CD274: variants seen among roughly 807,000 people sequenced by gnomAD.
The protein encoded by CD274 is CD274 molecule.
In CD274, 8 loss-of-function variants were observed where a neutral mutation model predicts 30.1. The ratio of observed to expected loss-of-function variants is 0.27; its 90% confidence interval spans 0.16 to 0.48. The LOEUF (loss-of-function observed/expected upper bound fraction) is 0.48, where lower values mean the gene tolerates loss of function less well. CD274 is among the 20% of genes least tolerant of loss of function. The probability of loss-of-function intolerance (pLI) is 0.99; values close to 1 mark genes in which losing one functional copy is unlikely to be tolerated. For missense variants in CD274, 353 were observed against 346.6 expected (o/e 1.02, Z -0.15); for synonymous variants, 152 against 124.6 (o/e 1.22, Z -1.46).
Position 5,467,927 on chromosome 9 carries a change from G to T in CD274, c.*65G>T, listed in dbSNP as rs1819524398. 7.2e-7 allele frequency: 1 copy of T among 1,396,776 alleles called. No individual in the cohort carries two copies. Among genetic ancestry groups the T allele is most frequent in the Admixed American group, 1.7e-5 (1 of 59,568 alleles). The allele number at this position is 1,396,776 out of a possible 1,614,324, so 86.5% of individuals were successfully genotyped here. ...AACCTGTGGTTTAGGGGTTCATCGG[G>T]GCTGAGCGTGACAAGAGGAAGGAAT... On this transcript the variant is annotated 3_prime_UTR_variant, in exon 7 of 7. Transcript: ENST00000381577.
At position 5,465,587 on chromosome 9, in the gene CD274, C is replaced by G. The variant is rs2131230213; in HGVS notation, c.771C>G (p.Phe257Leu). Residue 257 changes from phenylalanine to leucine, a missense_variant, in exon 5 of 7, where the codon TTC becomes TTG. Coordinates refer to ENST00000381577, the MANE Select transcript of CD274 (RefSeq NM_014143.4). ...ILLCLGVALTFIFRLRKGRMM... is the reference protein window; with the variant it reads ...ILLCLGVALTLIFRLRKGRMM... ...TATGCCTTGGTGTAGCACTGACATTCATCTTCCGTTTAAGAAAAGGTAGTA... is the reference window on the plus strand; with the variant it reads ...TATGCCTTGGTGTAGCACTGACATTGATCTTCCGTTTAAGAAAAGGTAGTA... 1 of 1,596,664 alleles carries G rather than the reference C, an allele frequency of 6.3e-7. No homozygotes were observed. Among genetic ancestry groups the G allele is most frequent in the Non-Finnish European group, 8.6e-7 (1 of 1,164,206 alleles).
chr9:5,457,452 T>A (rs2131213228), intron 3 of CD274, 32 bp downstream of exon 3: 1 of 1,550,922 alleles, frequency 6.4e-7, no homozygotes, highest in South Asian at 1.1e-5. Flanking sequence ...AGGCCTGATC[T>A]TTATTGAAAA....
chr9:5,456,044 A>G (rs1819295622), intron 1 of CD274, 56 bp from the exon 2 acceptor site: 3 of 964,938 alleles, frequency 3.1e-6, no homozygotes, highest in Non-Finnish European at 5.1e-6. Context: ...ATATTGTCAT[A>G]TTGTATGTTT....
At position 5,458,395 on chromosome 9, in the gene CD274, T is replaced by G. The variant is rs1413606660; in HGVS notation, c.394+975T>G. On this transcript the variant is annotated intron_variant, in intron 3 of 6. Coordinates refer to ENST00000381577, the MANE Select transcript of CD274 (RefSeq NM_014143.4). The stretch of plus-strand genomic sequence containing the variant: ...CCATTTGGATATCCCTTCCATATCC[T>G]GTTGAAATTACTCCCTAATAGTAAG... Among the ~76,000 whole-genome samples, 8 of 152,348 alleles carry G rather than the reference T, an allele frequency of 5.3e-5. No individual in the cohort carries two copies. The East Asian group carries it at 1.5e-3, about 29-fold the overall frequency.
Position 5,462,918 on chromosome 9 carries a change from AC to A in CD274, c.483del (p.Lys162ArgfsTer14). 6.2e-7 allele frequency: 1 copy of A among 1,614,072 alleles called. No homozygotes were observed. The highest frequency in any genetic ancestry group is 8.5e-7 in the Non-Finnish European group (1 of 1,179,950). ...EHELTCQAEG[Y>X]PKAEVIWTSS... Reference sequence around the variant, plus strand: ...GAACTGACATGTCAGGCTGAGGGCTACCCCAAGGCCGAAGTCATCTGGACAA... The same window carrying A: ...GAACTGACATGTCAGGCTGAGGGCTACCCAAGGCCGAAGTCATCTGGACAA... On this transcript the variant is annotated frameshift_variant, in exon 4 of 7. Coordinates refer to ENST00000381577, the MANE Select transcript of CD274 (RefSeq NM_014143.4). LOFTEE classifies it high-confidence loss of function.
chr9:5,453,008 A>G (rs1044310246), intron 1 of CD274, among the ~76,000 whole-genome samples: 4 of 151,804 alleles, frequency 2.6e-5, no homozygotes, highest in Middle Eastern at 3.4e-3. Context: ...AAAATATTTT[A>G]TAAGTAATAT....
intron 1 of CD274, among the ~76,000 whole-genome samples, chr9:5,452,028 T>TTC (rs1256677587): frequency 2.9e-4 from 41 of 143,732 alleles, no homozygotes; most frequent in African/African-American, 9.9e-4. Context: ...TTTTTTGTCT[T>TTC]TTTTTTTTTT....
In CD274 at chr9:5,457,086, T is replaced by C. The variant is rs762851891; in HGVS notation, c.60T>C (p.Thr20=). The change falls in exon 3 of 7, where the codon ACT becomes ACC. Residue 20 remains threonine, a synonymous_variant. Coordinates refer to ENST00000381577, the MANE Select transcript of CD274 (RefSeq NM_014143.4). ...GTCCTTCTTTCTTTTTAGCATTTAC[T>C]GTCACGGTTCCCAAGGACCTATATG... ...MTYWHLLNAF[T]VTVPKDLYVV... is the part of the protein sequence containing the mutation. 1.3e-6 allele frequency: 2 copies of C among 1,597,324 alleles called. No individual in the cohort carries two copies.
chr9:5,460,350 C>A (rs1204585473), intron 3 of CD274, among the ~76,000 whole-genome samples: 2 of 152,130 alleles, frequency 1.3e-5, no homozygotes, highest in Non-Finnish European at 1.5e-5. Flanking sequence ...CTTGCTTATT[C>A]TGTGTGTTAG....
rs1001549225 is a variant in CD274, at chr9:5,468,406, C to T, written c.*544C>T. 2 of 233,332 alleles carry T rather than the reference C, an allele frequency of 8.6e-6. No homozygotes were observed. The highest frequency in any genetic ancestry group is 8.5e-6 in the Non-Finnish European group (1 of 118,214). The allele number at this position is 233,332 out of a possible 1,614,324, so 14.5% of individuals were successfully genotyped here. A position where few individuals can be genotyped will look rare whatever the true frequency, so the allele number is the denominator to read the frequency against. ...TGAAGATATATTGTAGTAGATGTTACAATTTTGTCGCCAAACTAAACTTGC... is the reference window on the plus strand; with the variant it reads ...TGAAGATATATTGTAGTAGATGTTATAATTTTGTCGCCAAACTAAACTTGC... On this transcript the variant is annotated 3_prime_UTR_variant, in exon 7 of 7. Transcript: ENST00000381577.
At chr9:5,451,946 C>T (rs990031925) in intron 1 of CD274, among the ~76,000 whole-genome samples, 1 of 151,914 alleles carries the variant, frequency 6.6e-6, no homozygotes, top group Non-Finnish European at 1.5e-5. Context: ...CTCCAGAAGT[C>T]CTGGGATTAC....
intron 3 of CD274, among the ~76,000 whole-genome samples, 200 bp downstream of exon 3, chr9:5,457,620 G>A (rs113281655): frequency 5.9e-5 from 9 of 152,282 alleles, no homozygotes; most frequent in African/African-American, 1.9e-4. Context: ...GAAATCCAGA[G>A]ACAAACAACA....
At chr9:5,457,808 T>C (rs557401155) in intron 3 of CD274, among the ~76,000 whole-genome samples, 139 of 152,224 alleles carry the variant, frequency 9.1e-4, no homozygotes, top group African/African-American at 3.3e-3. Flanking sequence ...GCAGAGAGAG[T>C]AACCATTATT....
In CD274 at chr9:5,462,854, C is replaced by T. The variant is rs754723387; in HGVS notation, c.415C>T (p.Gln139Ter). Residue 139 changes from glutamine (Q) to a stop codon, truncating the protein, a stop_gained, in exon 4 of 7, where the codon CAA becomes TAA. Transcript: ENST00000381577. LOFTEE classifies it high-confidence loss of function. ...CCTAGCCCCATACAACAAAATCAACCAAAGAATTTTGGTTGTGGATCCAGT... is the reference window on the plus strand; with the variant it reads ...CCTAGCCCCATACAACAAAATCAACTAAAGAATTTTGGTTGTGGATCCAGT... ...KVNAPYNKIN[Q>*]RILVVDPVTS... 1 of 1,613,418 alleles carries T rather than the reference C, an allele frequency of 6.2e-7. No individual in the cohort carries two copies. Among genetic ancestry groups the T allele is most frequent in the Non-Finnish European group, 8.5e-7 (1 of 1,179,486 alleles).
At chr9:5,454,475 G>A in intron 1 of CD274, among the ~76,000 whole-genome samples, 1 of 151,626 alleles carries the variant, frequency 6.6e-6, no homozygotes, top group Non-Finnish European at 1.5e-5. Flanking sequence ...TACTTTCTAT[G>A]TGTTTACAAA....
intron 2 of CD274, among the ~76,000 whole-genome samples, chr9:5,456,547 A>G (rs1412554623): frequency 1.3e-5 from 2 of 152,194 alleles, no homozygotes; most frequent in African/African-American, 4.8e-5. Flanking sequence ...TGATGAGGAT[A>G]CTTTAAGGAA....
At chr9:5,460,673 C>A (rs1563804069) in intron 3 of CD274, among the ~76,000 whole-genome samples, 2 of 152,064 alleles carry the variant, frequency 1.3e-5, no homozygotes, top group Admixed American at 1.3e-4. Context: ...CTTTTTATTG[C>A]CTATATTTGT....
chr9:5,450,772 A>T lies in CD274; in HGVS notation c.-15+176A>T, dbSNP rs534744904. 4.6e-5 allele frequency among the ~76,000 whole-genome samples: 7 copies of T among 152,374 alleles called. No individual in the cohort carries two copies. In the South Asian group the frequency reaches 1.4e-3, roughly 32 times the overall value. On this transcript the variant is annotated intron_variant, in intron 1 of 6. Coordinates refer to ENST00000381577, the MANE Select transcript of CD274 (RefSeq NM_014143.4). Reference sequence around the variant, plus strand: ...CCAATTACCTGTTGGGGTTAATAAGAACAGGCAATGCATCTGGCCTTCCTC... The same window carrying T: ...CCAATTACCTGTTGGGGTTAATAAGTACAGGCAATGCATCTGGCCTTCCTC...
intron 1 of CD274, among the ~76,000 whole-genome samples, chr9:5,450,976 C>T (rs190049644): frequency 4.6e-5 from 7 of 152,294 alleles, no homozygotes; most frequent in African/African-American, 1.2e-4. Flanking sequence ...AGTAACATGA[C>T]TTGTGTAAGT....
Sources: gnomAD v4.1 joint callset for allele counts (sites outside exome capture counted in the v4.1 genomes callset) on GRCh38, gnomAD v4.1.1 for gene constraint, MANE v1.5 for transcripts, NCBI Gene and HGNC (gene_info 2026-07-23, HGNC 2026-07-21) for gene names.